PCDHA3: variants seen among roughly 807,000 people sequenced by gnomAD.
PCDHA3 encodes protocadherin alpha 3, also known as protocadherin alpha-3.
In PCDHA3, 41 loss-of-function variants were observed where a neutral mutation model predicts 62.2. That is an observed-to-expected ratio of 0.66 (90% CI 0.51 to 0.86). The LOEUF (loss-of-function observed/expected upper bound fraction) is 0.86, where lower values mean the gene tolerates loss of function less well. Ranked by LOEUF, PCDHA3 falls within the 40% of genes least tolerant of loss-of-function variation. The pLI is 0.00. For missense variants in PCDHA3, 1,304 were observed against 1,241.2 expected, an observed-to-expected ratio of 1.05 and a Z score of -0.76; for synonymous variants, 640 against 555.4, an observed-to-expected ratio of 1.15 and a Z score of -2.14.
chr5:140,981,794 T>G (rs1290588653), intron 2 of PCDHA3, among the ~76,000 whole-genome samples: 2 of 152,150 alleles, frequency 1.3e-5, no homozygotes, highest in Non-Finnish European at 2.9e-5. Flanking sequence ...CTCTTTTCCC[T>G]TGAACAGTTT....
chr5:140,836,389 T>TG (rs1328834113), intron 1 of PCDHA3: 1 of 1,613,560 alleles, frequency 6.2e-7, no homozygotes, highest in East Asian at 2.2e-5. Flanking sequence ...CTGGTGTCGC[T>TG]GGTGGAAAGC....
chr5:140,816,613 A>G (rs1207315967), intron 1 of PCDHA3: 1 of 151,942 alleles, frequency 6.6e-6, no homozygotes, highest in Non-Finnish European at 1.5e-5. Context: ...ATACATTTCA[A>G]AAAAACAAAA....
chr5:140,808,528 T>C lies in PCDHA3; in HGVS notation c.2394+4937T>C, dbSNP rs1554124619. 4 of 1,614,032 alleles carry C rather than the reference T, an allele frequency of 2.5e-6. No individual in the cohort carries two copies. In the Admixed American group the frequency reaches 6.7e-5, roughly 27 times the overall value. ...CCAGTGTTTCTGTGGAGGTGGCTGA[T>C]GTGAACGACAACGCTCCGGCGTTCG... On this transcript the variant is annotated intron_variant, in intron 1 of 3. Coordinates refer to ENST00000522353, the MANE Select transcript of PCDHA3 (RefSeq NM_018906.3).
chr5:140,824,611 T>G (rs1768190871), intron 1 of PCDHA3: 1 of 19,836 alleles, frequency 5.0e-5, no homozygotes, highest in African/African-American at 1.7e-4. Context: ...CTAATTAAAG[T>G]TTTTTTTTTT....
At position 140,803,538 on chromosome 5, in the gene PCDHA3, AT is replaced by A; in HGVS notation, c.2343del (p.Ser782AlafsTer31). 1 of 1,614,216 alleles carries A rather than the reference AT, an allele frequency of 6.2e-7. No individual in the cohort carries two copies. The part of the protein sequence containing the change: ...AFSPSLPPCP[I>X]SRDREEKQDV... Reference sequence around the variant, plus strand: ...TAGCCCTAGCCTTCCTCCTTGTCCAATTAGCCGGGATAGAGAGGAGAAACAG... The same window carrying A: ...TAGCCCTAGCCTTCCTCCTTGTCCAATAGCCGGGATAGAGAGGAGAAACAG... On this transcript the variant is annotated frameshift_variant, in exon 1 of 4. Transcript: ENST00000522353. LOFTEE classifies it high-confidence loss of function.
intron 1 of PCDHA3, chr5:140,823,464 G>A (rs543460881): frequency 6.2e-7 from 1 of 1,613,420 alleles, no homozygotes; most frequent in Non-Finnish European, 8.5e-7. Flanking sequence ...ACGCGCCGGC[G>A]CTGCTGGTGC....
chr5:140,889,034 T>A (rs1554183750), intron 1 of PCDHA3, among the ~76,000 whole-genome samples: 4 of 152,080 alleles, frequency 2.6e-5, no homozygotes, highest in Non-Finnish European at 5.9e-5. Flanking sequence ...TAACCGTAAT[T>A]TGATTATAAT....
At chr5:140,843,385 T>A in intron 1 of PCDHA3, 1 of 1,595,902 alleles carries the variant, frequency 6.3e-7, no homozygotes, top group South Asian at 1.1e-5. Flanking sequence ...GCGTTTTGGG[T>A]CCGGAAGCGG....
At chr5:141,008,238 G>A (rs2098366224) in intron 3 of PCDHA3, among the ~76,000 whole-genome samples, 1 of 152,046 alleles carries the variant, frequency 6.6e-6, no homozygotes, top group Admixed American at 6.6e-5. Context: ...TACTGCTCAG[G>A]GACACCAAAT....
At chr5:140,896,087 A>T (rs2065366348) in intron 1 of PCDHA3, among the ~76,000 whole-genome samples, 1 of 152,218 alleles carries the variant, frequency 6.6e-6, no homozygotes, top group East Asian at 1.9e-4. Flanking sequence ...CTGGGATTAC[A>T]GGCGTGAGCC....
chr5:140,950,809 A>G (rs1554219635), intron 1 of PCDHA3, among the ~76,000 whole-genome samples: 1 of 152,102 alleles, frequency 6.6e-6, no homozygotes, highest in African/African-American at 2.4e-5. Context: ...GTTTTACCAT[A>G]GTAGGGTTAA....
In PCDHA3 at chr5:141,009,668, G is replaced by A. The variant is rs782068657; in HGVS notation, c.2584G>A (p.Val862Ile). The change falls in exon 4 of 4, where the codon GTC becomes ATC. Residue 862 changes from valine (V) to isoleucine (I), a missense_variant. Transcript: ENST00000522353. ...AGTGTCCCCTCCAGTCGGTGCGGGTGTCAACAGCAACAGCTGGACCTTTAA... is the reference window on the plus strand; with the variant it reads ...AGTGTCCCCTCCAGTCGGTGCGGGTATCAACAGCAACAGCTGGACCTTTAA... ...GEVSPPVGAG[V>I]NSNSWTFKYG... The A allele has an allele frequency of 1.2e-6, 2 of 1,614,108 alleles. No individual in the cohort carries two copies. Among genetic ancestry groups the A allele is most frequent in the Non-Finnish European group, 1.7e-6 (2 of 1,180,018 alleles).
intron 1 of PCDHA3, among the ~76,000 whole-genome samples, chr5:140,903,753 A>ACTTGATGACCCATAGTCAAATGTTCAG (rs2070561730): frequency 2.0e-5 from 3 of 152,186 alleles, no homozygotes; most frequent in Non-Finnish European, 4.4e-5. Flanking sequence ...GTTTCCCTTG[A>ACTTGATGACCCATAGTCAAATGTTCAG]TTTTTGCTGA....
At chr5:140,860,700 G>C (rs573827394) in intron 1 of PCDHA3, 1 of 152,300 alleles carries the variant, frequency 6.6e-6, no homozygotes, top group South Asian at 2.1e-4. Flanking sequence ...ACAGGATATT[G>C]TTGTTCTCCA....
At chr5:140,857,418 C>T in intron 1 of PCDHA3, 1 of 1,598,514 alleles carries the variant, frequency 6.3e-7, no homozygotes, top group South Asian at 1.1e-5. Context: ...TTCGCGCAGT[C>T]CGAGTACACG....
intron 1 of PCDHA3, chr5:140,969,232 C>A (rs138367129): frequency 1.9e-4 from 314 of 1,614,066 alleles, no homozygotes; most frequent in Non-Finnish European, 2.5e-4. Flanking sequence ...CTTCGGGAGC[C>A]CAAGCAGCAG....
rs1476746131 is a variant in PCDHA3, at chr5:140,870,515, G to A, written c.2394+66924G>A. 8.7e-6 allele frequency: 14 copies of A among 1,614,236 alleles called. No homozygotes were observed. Among genetic ancestry groups the A allele is most frequent in the Non-Finnish European group, 1.1e-5 (13 of 1,180,048 alleles). On this transcript the variant is annotated intron_variant, in intron 1 of 3. Transcript: ENST00000522353. The stretch of plus-strand genomic sequence containing the variant: ...GTGAAGGAGAACAACCCACCAGGCT[G>A]CCACATCTTCACAGTGTCGGCGCGG...
At chr5:140,845,758 T>A (rs1780017819) in intron 1 of PCDHA3, among the ~76,000 whole-genome samples, 1 of 149,708 alleles carries the variant, frequency 6.7e-6, no homozygotes, top group African/African-American at 2.4e-5. Flanking sequence ...TTGTATCAAG[T>A]AAGTTAATAG....
At chr5:140,968,165 C>T in intron 1 of PCDHA3, 6 of 1,614,120 alleles carry the variant, frequency 3.7e-6, no homozygotes, top group African/African-American at 1.3e-5. Flanking sequence ...TGACAATCCA[C>T]CAAGCTTCCT....
Sources: gnomAD v4.1 joint callset for allele counts (sites outside exome capture counted in the v4.1 genomes callset) on GRCh38, gnomAD v4.1.1 for gene constraint, MANE v1.5 for transcripts, NCBI Gene and HGNC (gene_info 2026-07-23, HGNC 2026-07-21) for gene names.